DUSP10: variants seen among roughly 807,000 people sequenced by gnomAD.
The protein encoded by DUSP10 is dual specificity protein phosphatase 10.
DUSP10 carries 14 observed loss-of-function variants against 30.8 expected under a neutral mutation model. The ratio of observed to expected loss-of-function variants is 0.46; its 90% CI spans 0.30 to 0.71. The LOEUF (loss-of-function observed/expected upper bound fraction) is 0.71, where lower values mean the gene tolerates loss of function less well. Ranked by LOEUF, DUSP10 falls within the 30% of genes least tolerant of loss-of-function variation. DUSP10 has a pLI of 0.08. For missense variants in DUSP10, 550 were observed against 619.4 expected, an observed-to-expected ratio of 0.89 and a Z score of 1.19; for synonymous variants, 254 against 250.4, an observed-to-expected ratio of 1.01 and a Z score of -0.14.
chr1:221,725,370 A>G (rs995768020), intron 2 of DUSP10, among the ~76,000 whole-genome samples: 1 of 152,138 alleles, frequency 6.6e-6, no homozygotes, highest in African/African-American at 2.4e-5. Context: ...ATAATGATAT[A>G]CCACATTCAG....
chr1:221,702,583 G>A lies in DUSP10; in HGVS notation c.1278C>T (p.His426=), dbSNP rs773729010. 3.7e-6 allele frequency: 6 copies of A among 1,614,152 alleles called. No individual in the cohort carries two copies. The highest frequency in any genetic ancestry group is 1.6e-4 in the Middle Eastern group (1 of 6,062). The change falls in exon 4 of 4, where the codon CAC becomes CAT. Residue 426 remains histidine, a synonymous_variant. Transcript: ENST00000366899. This position sits in a 1 kb window ranked among gnomAD's most constrained non-coding sequence, Gnocchi z 4.5. ...AAGCATCAGTCATGGTCATCCGAGTGTGCTTCATCAAGTAAGCGATGACGA... is the reference window on the plus strand; with the variant it reads ...AAGCATCAGTCATGGTCATCCGAGTATGCTTCATCAAGTAAGCGATGACGA... ...ATIVIAYLMK[H]TRMTMTDAYK...
chr1:221,721,000 A>T (rs1478327936), intron 2 of DUSP10, among the ~76,000 whole-genome samples: 5 of 152,244 alleles, frequency 3.3e-5, no homozygotes, highest in African/African-American at 9.6e-5. Context: ...GGTTTGGTGC[A>T]CTAGGGCCAG....
chr1:221,713,708 C>G (rs1661012781), intron 2 of DUSP10, among the ~76,000 whole-genome samples: 1 of 152,070 alleles, frequency 6.6e-6, no homozygotes, highest in African/African-American at 2.4e-5. Flanking sequence ...CTGTGTATAT[C>G]CAGATTAAGA....
chr1:221,705,693 A>T (rs1023865138), intron 3 of DUSP10, among the ~76,000 whole-genome samples: 7 of 152,126 alleles, frequency 4.6e-5, no homozygotes, highest in African/African-American at 1.7e-4. Flanking sequence ...TATTCACTAG[A>T]TATTGCTTCC....
intron 2 of DUSP10, among the ~76,000 whole-genome samples, chr1:221,720,644 T>C: frequency 6.6e-6 from 1 of 152,192 alleles, no homozygotes. Flanking sequence ...CAAGACATTC[T>C]GCTAGTGTCT....
In DUSP10 at chr1:221,707,634, T is replaced by C. The variant is rs571256786; in HGVS notation, c.812-1168A>G. Among the ~76,000 whole-genome samples, 48 of 152,292 alleles carry C rather than the reference T, an allele frequency of 3.2e-4. No homozygotes were observed. In the South Asian group the frequency reaches 7.9e-3, roughly 25 times the overall value. ...CTAACCAAAGATAGTTAGCTAGATA[T>C]ATGGAGATGTTCACTACAATGTTAT... On this transcript the variant is annotated intron_variant, in intron 2 of 3. Transcript: ENST00000366899.
intron 2 of DUSP10, among the ~76,000 whole-genome samples, chr1:221,712,253 G>C (rs1238697910): frequency 6.6e-6 from 1 of 152,152 alleles, no homozygotes; most frequent in Non-Finnish European, 1.5e-5. Context: ...CAGGGAACTT[G>C]TATTTCTTTC....
At chr1:221,709,447 T>TA (rs1660871119) in intron 2 of DUSP10, among the ~76,000 whole-genome samples, 1 of 146,606 alleles carries the variant, frequency 6.8e-6, no homozygotes, top group Non-Finnish European at 1.5e-5. Flanking sequence ...ACTCTGTTCT[T>TA]ATAATATTTG....
chr1:221,712,777 CAA>C (rs58249338), intron 2 of DUSP10, among the ~76,000 whole-genome samples: 20 of 56,948 alleles, frequency 3.5e-4, no homozygotes, highest in African/African-American at 7.1e-4. Context: ...TATAAAGCAG[CAA>C]AAAAAAAAAA....
intron 2 of DUSP10, among the ~76,000 whole-genome samples, chr1:221,723,937 A>T (rs1474756973): frequency 6.6e-6 from 1 of 152,192 alleles, no homozygotes; most frequent in Non-Finnish European, 1.5e-5. Context: ...ACTAATACAA[A>T]GCCCTGACCT....
Position 221,739,549 on chromosome 1 carries a change from C to T in DUSP10, c.196G>A (p.Gly66Ser), listed in dbSNP as rs144631817. 1.3e-5 allele frequency: 21 copies of T among 1,614,110 alleles called. No individual in the cohort carries two copies. Among genetic ancestry groups the T allele is most frequent in the Non-Finnish European group, 1.5e-5 (18 of 1,180,026 alleles). The change falls in exon 2 of 4, where the codon GGC (glycine) becomes AGC (serine). Residue 66 changes from glycine to serine, a missense_variant. Coordinates refer to ENST00000366899, the MANE Select transcript of DUSP10 (RefSeq NM_007207.6). The part of the protein sequence containing the change: ...ANLTYMPSSS[G>S]SARSLNCGCS... ...CCACAATTCAGCGAGCGGGCAGAGC[C>T]GCTGGATGAGGGCATATACGTCAGA...
At chr1:221,714,497 T>C (rs190159964) in intron 2 of DUSP10, among the ~76,000 whole-genome samples, 55 of 152,182 alleles carry the variant, frequency 3.6e-4, no homozygotes, top group African/African-American at 1.2e-3. Context: ...GCAGACAAGA[T>C]GGCGCCAGGC....
chr1:221,716,355 C>CA (rs1306679098), intron 2 of DUSP10, among the ~76,000 whole-genome samples: 1 of 152,158 alleles, frequency 6.6e-6, no homozygotes, highest in African/African-American at 2.4e-5. Context: ...CACCTGAAGA[C>CA]AGGTTGTGGG....
intron 3 of DUSP10, among the ~76,000 whole-genome samples, chr1:221,703,529 T>C (rs1475220103): frequency 2.6e-5 from 4 of 152,220 alleles, no homozygotes; most frequent in Non-Finnish European, 5.9e-5. Flanking sequence ...GCCGAGGGTG[T>C]CACCTCTCAA....
intron 2 of DUSP10, among the ~76,000 whole-genome samples, chr1:221,718,721 C>T (rs529158103): frequency 2.4e-4 from 36 of 152,340 alleles, no homozygotes; most frequent in African/African-American, 8.2e-4. Context: ...AAAACTATTG[C>T]TCAACCATCC....
intron 2 of DUSP10, among the ~76,000 whole-genome samples, chr1:221,734,311 T>G: frequency 6.6e-6 from 1 of 152,252 alleles, no homozygotes; most frequent in East Asian, 1.9e-4. Flanking sequence ...CCTGGCCCAA[T>G]ATGTTTTTGC....
chr1:221,718,113 G>T (rs1267520778), intron 2 of DUSP10, among the ~76,000 whole-genome samples: 2 of 149,278 alleles, frequency 1.3e-5, no homozygotes, highest in East Asian at 4.0e-4. Context: ...GGTGGTGGGG[G>T]TGGGGGCGGG....
chr1:221,710,561 C>T (rs1660905437), intron 2 of DUSP10, among the ~76,000 whole-genome samples: 1 of 151,640 alleles, frequency 6.6e-6, no homozygotes, highest in African/African-American at 2.4e-5. Flanking sequence ...AATATAAAGA[C>T]TCTATATAAG....
At chr1:221,738,259 G>A (rs979606387) in intron 2 of DUSP10, among the ~76,000 whole-genome samples, 4 of 152,224 alleles carry the variant, frequency 2.6e-5, no homozygotes, top group Non-Finnish European at 2.9e-5. Flanking sequence ...GATGCCAACC[G>A]TTGTCAGGTG....
Sources: allele counts gnomAD v4.1 joint callset (sites outside exome capture counted in the v4.1 genomes callset), GRCh38; gene constraint gnomAD v4.1.1; non-coding constraint Gnocchi (gnomAD v3.1); transcripts MANE v1.5; gene names NCBI Gene and HGNC (gene_info 2026-07-23, HGNC 2026-07-21).